Variants in MYO5A observed in about 807,000 individuals in gnomAD.
The protein encoded by MYO5A is unconventional myosin-Va.
In MYO5A, 98 loss-of-function variants were observed where a neutral mutation model predicts 249.7. That is an observed-to-expected ratio of 0.39 (90% CI 0.33 to 0.46). The LOEUF (loss-of-function observed/expected upper bound fraction) is 0.46. Among genes scored for constraint, MYO5A ranks in the 20% least tolerant of loss-of-function variants. The pLI, the probability that MYO5A is intolerant of heterozygous loss-of-function variation, is 0.98. For synonymous variants in MYO5A, 778 were observed against 810.6 expected (o/e 0.96, Z 0.68); for missense variants, 1,696 against 2,308.8 (o/e 0.73, Z 5.44).
chr15:52,325,967 AAAC>A (rs1224550836), intron 36 of MYO5A, among the ~76,000 whole-genome samples: 1 of 152,250 alleles, frequency 6.6e-6, no homozygotes, highest in Non-Finnish European at 1.5e-5. Context: ...CCCATAGAGA[AAAC>A]AAGTTGAACT....
chr15:52,477,286 C>T (rs1219029860), intron 1 of MYO5A, among the ~76,000 whole-genome samples: 1 of 152,164 alleles, frequency 6.6e-6, no homozygotes, highest in East Asian at 1.9e-4. Flanking sequence ...TCTAGTTAGC[C>T]ATTCGTCCAA....
At chr15:52,421,169 C>A (rs1202913387) in intron 4 of MYO5A, among the ~76,000 whole-genome samples, 1 of 152,162 alleles carries the variant, frequency 6.6e-6, no homozygotes, top group African/African-American at 2.4e-5. Flanking sequence ...CATCACAGGG[C>A]AGCTGAGTTT....
At chr15:52,500,538 G>A (rs2077134058) in intron 1 of MYO5A, among the ~76,000 whole-genome samples, 2 of 151,976 alleles carry the variant, frequency 1.3e-5, no homozygotes, top group Non-Finnish European at 2.9e-5. Flanking sequence ...AGTAGAAACG[G>A]GGTTTCACCA....
intron 29 of MYO5A, among the ~76,000 whole-genome samples, chr15:52,346,903 T>A (rs1457357807): frequency 6.6e-6 from 1 of 151,902 alleles, no homozygotes; most frequent in Non-Finnish European, 1.5e-5. Flanking sequence ...AATGAGCAGA[T>A]GCCCCAAAAC....
At chr15:52,376,033 T>C (rs1020907166) in intron 19 of MYO5A, among the ~76,000 whole-genome samples, 3 of 152,250 alleles carry the variant, frequency 2.0e-5, no homozygotes, top group African/African-American at 7.2e-5. Flanking sequence ...AATGAAGTCA[T>C]TATTACCTAG....
At chr15:52,422,867 C>G (rs1367763647) in intron 4 of MYO5A, among the ~76,000 whole-genome samples, 2 of 152,122 alleles carry the variant, frequency 1.3e-5, no homozygotes, top group Non-Finnish European at 2.9e-5. Context: ...AAGGCACAGG[C>G]CACCATGCCT....
chr15:52,383,821 G>T (rs990974887), intron 15 of MYO5A, among the ~76,000 whole-genome samples: 1 of 152,234 alleles, frequency 6.6e-6, no homozygotes, highest in Non-Finnish European at 1.5e-5. Context: ...AGACATCAAA[G>T]AAAGGCGAGG....
At chr15:52,313,873 A>T in intron 41 of MYO5A, 25 bp from the exon 42 acceptor site, 1 of 1,612,848 alleles carries the variant, frequency 6.2e-7, no homozygotes, top group Non-Finnish European at 8.5e-7. Context: ...AAAAAAAATA[A>T]ACAGAGCATC....
chr15:52,443,724 A>AT (rs1280686199), intron 1 of MYO5A, among the ~76,000 whole-genome samples: 1 of 151,414 alleles, frequency 6.6e-6, no homozygotes, highest in Non-Finnish European at 1.5e-5. Flanking sequence ...AAAAAAAAAA[A>AT]GTAAATCACA....
chr15:52,321,223 T>A, intron 38 of MYO5A, 136 bp downstream of exon 38: 1 of 1,147,302 alleles, frequency 8.7e-7, no homozygotes. Context: ...ATTCCTCGGC[T>A]AATTTTAGCC....
intron 5 of MYO5A, among the ~76,000 whole-genome samples, chr15:52,414,084 G>C (rs2043366168): frequency 6.6e-6 from 1 of 152,176 alleles, no homozygotes; most frequent in Non-Finnish European, 1.5e-5. Flanking sequence ...CCTTGGTAAA[G>C]TTCTCCTGTA....
chr15:52,360,264 T>C (rs2040450868), intron 24 of MYO5A, among the ~76,000 whole-genome samples, 183 bp from the exon 25 acceptor site: 1 of 152,190 alleles, frequency 6.6e-6, no homozygotes, highest in Non-Finnish European at 1.5e-5. Context: ...AAGAAAAAGG[T>C]ACACTGGCAT....
intron 4 of MYO5A, among the ~76,000 whole-genome samples, chr15:52,425,263 C>T (rs555871043): frequency 2.2e-4 from 33 of 152,330 alleles, no homozygotes; most frequent in Middle Eastern, 3.4e-3. Context: ...ATAACATCTG[C>T]ATCTGTCTTT....
At chr15:52,348,083 G>A (rs1022993284) in intron 29 of MYO5A, among the ~76,000 whole-genome samples, 3 of 152,192 alleles carry the variant, frequency 2.0e-5, no homozygotes, top group Non-Finnish European at 4.4e-5. Context: ...TTCTTAGTAT[G>A]CTTCTCTCCT....
At chr15:52,474,557 C>T (rs1480471909) in intron 1 of MYO5A, among the ~76,000 whole-genome samples, 8 of 152,072 alleles carry the variant, frequency 5.3e-5, no homozygotes, top group Non-Finnish European at 1.2e-4. Flanking sequence ...TTTTGAGATA[C>T]ATCCCATCAA....
chr15:52,413,715 C>CCAA (rs1427012429), intron 5 of MYO5A, among the ~76,000 whole-genome samples: 2 of 152,182 alleles, frequency 1.3e-5, no homozygotes, highest in Non-Finnish European at 2.9e-5. Context: ...TATCACATTT[C>CCAA]CAACTTTCAA....
chr15:52,379,770 C>G (rs760429023), intron 17 of MYO5A, 37 bp from the exon 18 acceptor site: 1 of 1,613,920 alleles, frequency 6.2e-7, no homozygotes, highest in Non-Finnish European at 8.5e-7. Context: ...ACTTAAAGAA[C>G]TAGGATCTTC....
chr15:52,441,247 GC>G (rs1028538796), intron 1 of MYO5A, among the ~76,000 whole-genome samples: 3 of 152,038 alleles, frequency 2.0e-5, no homozygotes, highest in African/African-American at 4.8e-5. Context: ...CTAGAAAATT[GC>G]CCCCCTTAGT....
chr15:52,470,379 C>T (rs1179665036), intron 1 of MYO5A, among the ~76,000 whole-genome samples: 2 of 152,190 alleles, frequency 1.3e-5, no homozygotes, highest in Admixed American at 6.5e-5. Context: ...GGGCCAGGCG[C>T]AGTGGCTCAC....
Sources: allele counts gnomAD v4.1 joint callset (sites outside exome capture counted in the v4.1 genomes callset), GRCh38; gene constraint gnomAD v4.1.1; transcripts MANE v1.5; gene names NCBI Gene and HGNC (gene_info 2026-07-23, HGNC 2026-07-21).